LRP1B: variants seen among roughly 807,000 people sequenced by gnomAD.
The protein encoded by LRP1B is LDL receptor related protein 1B, also known as low-density lipoprotein receptor-related protein 1B.
In LRP1B, 217 loss-of-function variants were observed where a neutral mutation model predicts 556.6. That is an observed-to-expected ratio of 0.39 (90% CI 0.35 to 0.44). The LOEUF (loss-of-function observed/expected upper bound fraction) is 0.44, where lower values mean the gene tolerates loss of function less well. Among genes scored for constraint, LRP1B ranks in the 20% least tolerant of loss-of-function variants. The probability of loss-of-function intolerance (pLI) is 1.00; values close to 1 mark genes in which losing one functional copy is unlikely to be tolerated. For missense variants in LRP1B, 5,053 were observed against 5,620.8 expected (o/e 0.90, Z 3.23); for synonymous variants, 2,047 against 1,865.8 (o/e 1.10, Z -2.50).
intron 1 of LRP1B, among the ~76,000 whole-genome samples, chr2:141,919,594 CAGAT>C (rs1700125114): frequency 6.6e-6 from 1 of 151,924 alleles, no homozygotes; most frequent in Non-Finnish European, 1.5e-5. Context: ...CAGTCATAGA[CAGAT>C]TAAGTCTACA....
chr2:141,466,178 C>T (rs555663555), intron 3 of LRP1B, among the ~76,000 whole-genome samples: 165 of 152,192 alleles, frequency 1.1e-3, no homozygotes, highest in African/African-American at 3.6e-3. Context: ...TGAGCCACTG[C>T]GCCCGGCCTA....
chr2:141,737,205 A>T (rs1376054918), intron 2 of LRP1B, among the ~76,000 whole-genome samples: 1 of 152,148 alleles, frequency 6.6e-6, no homozygotes, highest in Non-Finnish European at 1.5e-5. Context: ...CACAAAAATT[A>T]GCTAGGCATG....
At chr2:142,097,980 A>G (rs2104963000) in intron 1 of LRP1B, among the ~76,000 whole-genome samples, 1 of 151,884 alleles carries the variant, frequency 6.6e-6, no homozygotes, top group East Asian at 1.9e-4. Flanking sequence ...AAAATGAAGC[A>G]TCAAAGTCTA....
chr2:140,848,152 T>C (rs192665536), intron 29 of LRP1B, among the ~76,000 whole-genome samples: 4 of 152,298 alleles, frequency 2.6e-5, no homozygotes, highest in South Asian at 2.1e-4. Flanking sequence ...ACCTAACTGA[T>C]TGTCAATCTT....
chr2:141,553,653 TA>T (rs1408227911), intron 2 of LRP1B, among the ~76,000 whole-genome samples: 1 of 145,560 alleles, frequency 6.9e-6, no homozygotes, highest in African/African-American at 2.5e-5. Flanking sequence ...ATATAATATA[TA>T]ATTTTATATA....
chr2:141,393,201 C>T (rs1376997713), intron 3 of LRP1B, among the ~76,000 whole-genome samples: 2 of 151,894 alleles, frequency 1.3e-5, no homozygotes, highest in Non-Finnish European at 2.9e-5. Flanking sequence ...ACCTGAACAC[C>T]ATTCTATCAA....
At chr2:140,569,988 G>A (rs779759424) in intron 43 of LRP1B, among the ~76,000 whole-genome samples, 2 of 151,648 alleles carry the variant, frequency 1.3e-5, no homozygotes, top group East Asian at 1.9e-4. Context: ...TCAAACAAAC[G>A]AAAATAGAAA....
intron 77 of LRP1B, among the ~76,000 whole-genome samples, chr2:140,338,122 A>C (rs760813898): frequency 6.6e-6 from 1 of 151,796 alleles, no homozygotes; most frequent in African/African-American, 2.4e-5. Context: ...TGACTTGCAG[A>C]GCCATTTAAT....
At chr2:141,666,868 T>C (rs1690459397) in intron 2 of LRP1B, among the ~76,000 whole-genome samples, 1 of 152,196 alleles carries the variant, frequency 6.6e-6, no homozygotes, top group Non-Finnish European at 1.5e-5. Flanking sequence ...CATTTAACCT[T>C]GGTACAGTTT....
chr2:141,817,419 G>C (rs757783794), intron 1 of LRP1B, among the ~76,000 whole-genome samples: 4 of 151,960 alleles, frequency 2.6e-5, no homozygotes, highest in Admixed American at 6.6e-5. Flanking sequence ...GATTCACCCT[G>C]GCATGAGAAA....
intron 84 of LRP1B, among the ~76,000 whole-genome samples, chr2:140,285,326 TATACACATAC>T (rs1558771317): frequency 6.1e-4 from 91 of 149,692 alleles, no homozygotes; most frequent in African/African-American, 2.2e-3. Context: ...TACACACACA[TATACACATAC>T]ATATGTATAT....
Position 141,702,054 on chromosome 2 carries a change from G to A in LRP1B, c.205+108225C>T, listed in dbSNP as rs189272882. Among the ~76,000 whole-genome samples, 17 of 152,010 alleles carry A rather than the reference G, an allele frequency of 1.1e-4. 2 individuals are homozygous for A. In the Middle Eastern group the frequency reaches 0.027, roughly 243 times the overall value. On this transcript the variant is annotated intron_variant, in intron 2 of 90. Coordinates refer to ENST00000389484, the MANE Select transcript of LRP1B (RefSeq NM_018557.3). ...TCAGACCAAGGCAGGCACAATCCCT[G>A]ATGATAGAAGGAACTGGGGAATATC...
At chr2:140,908,364 TAATA>T (rs1472605121) in intron 21 of LRP1B, among the ~76,000 whole-genome samples, 41 of 33,774 alleles carry the variant, frequency 1.2e-3, no homozygotes, top group Non-Finnish European at 6.7e-4. Flanking sequence ...TATATTTATA[TAATA>T]TATATATATA....
chr2:141,722,778 A>C (rs1321592938), intron 2 of LRP1B, among the ~76,000 whole-genome samples: 3 of 151,792 alleles, frequency 2.0e-5, no homozygotes, highest in Admixed American at 6.6e-5. Context: ...AGATAGATAG[A>C]TCAATCTATC....
At chr2:141,687,942 C>T (rs1452021479) in intron 2 of LRP1B, among the ~76,000 whole-genome samples, 1 of 151,174 alleles carries the variant, frequency 6.6e-6, no homozygotes, top group African/African-American at 2.4e-5. Context: ...TCTATAAAAA[C>T]ATTTGCTCAA....
chr2:142,005,240 T>C (rs2105144145), intron 1 of LRP1B, among the ~76,000 whole-genome samples: 1 of 151,940 alleles, frequency 6.6e-6, no homozygotes, highest in Admixed American at 6.6e-5. Context: ...ATTAGCTATA[T>C]GTAGGCACAT....
intron 6 of LRP1B, among the ~76,000 whole-genome samples, chr2:141,194,983 T>C (rs1681692270): frequency 6.6e-6 from 1 of 152,110 alleles, no homozygotes; most frequent in South Asian, 2.1e-4. Context: ...AGATATACAG[T>C]AGTTGTGATA....
intron 3 of LRP1B, among the ~76,000 whole-genome samples, chr2:141,422,770 T>C (rs1680189195): frequency 6.6e-6 from 1 of 152,196 alleles, no homozygotes; most frequent in Non-Finnish European, 1.5e-5. Context: ...TGTTTCATGT[T>C]TGAAAAACTC....
intron 1 of LRP1B, among the ~76,000 whole-genome samples, chr2:141,818,477 T>C (rs995287791): frequency 6.6e-6 from 1 of 151,992 alleles, no homozygotes; most frequent in Non-Finnish European, 1.5e-5. Context: ...CAACATGCAC[T>C]TTTAACTCTC....
Sources: allele counts gnomAD v4.1 joint callset (sites outside exome capture counted in the v4.1 genomes callset), GRCh38; gene constraint gnomAD v4.1.1; transcripts MANE v1.5; gene names NCBI Gene and HGNC (gene_info 2026-07-23, HGNC 2026-07-21).